SIX4: variants seen among roughly 807,000 people sequenced by gnomAD.
SIX4 encodes the protein SIX homeobox 4.
SIX4 carries 23 observed loss-of-function variants against 51.5 expected under a neutral mutation model. The observed-to-expected ratio is 0.45, with a 90% CI of 0.32 to 0.63. The LOEUF (loss-of-function observed/expected upper bound fraction) is 0.63. Among genes scored for constraint, SIX4 ranks in the 30% least tolerant of loss-of-function variants. The pLI is 0.04. For synonymous variants in SIX4, 413 were observed against 417.3 expected (o/e 0.99, Z 0.13); for missense variants, 867 against 984.0 (o/e 0.88, Z 1.59).
chr14:60,723,265 C>T lies in SIX4; in HGVS notation c.810G>A (p.Trp270Ter). 1 of 1,612,188 alleles carries T rather than the reference C, an allele frequency of 6.2e-7. No homozygotes were observed. Among genetic ancestry groups the T allele is most frequent in the Non-Finnish European group, 8.5e-7 (1 of 1,179,366 alleles). ...TGLSLTQVSN[W>*]FKNRRQRDRN... ...TGTCGCGCTGCCGGCGGTTCTTGAA[C>T]CAGTTGCTGACCTGGGTGAGGGAGA... The change falls in exon 1 of 3, where the codon TGG (tryptophan) becomes TGA (stop). Residue 270 changes from tryptophan to a stop codon, truncating the protein, a stop_gained. Transcript: ENST00000216513. LOFTEE classifies it high-confidence loss of function.
rs1248960350 is a variant in SIX4 at position 60,719,848 on chromosome 14, G to C, written c.1461C>G (p.Pro487=). 2 of 1,614,174 alleles carry C rather than the reference G, an allele frequency of 1.2e-6. No individual in the cohort carries two copies. The highest frequency in any genetic ancestry group is 3.3e-5 in the Admixed American group (2 of 60,024). Residue 487 remains proline, a synonymous_variant, in exon 2 of 3, where the codon CCC becomes CCG. Transcript: ENST00000216513. The surrounding 1 kb of genome is among the most constrained non-coding windows in gnomAD (Gnocchi z 4.9). The part of the protein sequence containing the change: ...QINQYGIVQI[P]NSGANSQFLN... ...GGAACTGGCTGTTTGCTCCGGAATT[G>C]GGGATCTGGACAATGCCATACTGGT...
Position 60,713,292 on chromosome 14 carries a change from C to T in SIX4, c.*115G>A, listed in dbSNP as rs1323736943. The T allele has an allele frequency of 3.9e-6, 4 of 1,034,556 alleles. No individual in the cohort carries two copies. The highest frequency in any genetic ancestry group is 5.5e-6 in the Non-Finnish European group (4 of 721,160). The allele number at this position is 1,034,556 out of a possible 1,614,324, so 64.1% of individuals were successfully genotyped here. ...AGATCAATCTAAAGTCTCTTGTATG[C>T]ATATACTTGCAAAACTAGAGTGTTT... On this transcript the variant is annotated 3_prime_UTR_variant, in exon 3 of 3. Transcript: ENST00000216513.
Position 60,719,883 on chromosome 14 carries a change from C to T in SIX4, c.1426G>A (p.Val476Met), listed in dbSNP as rs530684279. 156 of 1,614,208 alleles carry T rather than the reference C, an allele frequency of 9.7e-5. No individual in the cohort carries two copies. Among genetic ancestry groups the T allele is most frequent in the South Asian group, 7.7e-4 (70 of 91,092 alleles). The change falls in exon 2 of 3, where the codon GTG (valine) becomes ATG (methionine). Residue 476 changes from valine (V) to methionine (M), a missense_variant. Transcript: ENST00000216513. The surrounding 1 kb of genome is among the most constrained non-coding windows in gnomAD (Gnocchi z 4.9). The part of the protein sequence containing the change: ...GGSVVTFTTP[V>M]QINQYGIVQI... ...ACAATGCCATACTGGTTAATTTGCA[C>T]TGGTGTAGTAAAAGTCACTACAGAC...
rs1055481754 is a variant in SIX4 at position 60,723,022 on chromosome 14, C to G, written c.863+190G>C. On this transcript the variant is annotated intron_variant, in intron 1 of 2. Transcript: ENST00000216513. ...AGGGGGAGGGTAAGGAGGGAGGTTC[C>G]CCCGCCCCCCGCCTCCGCCGCCCCC... The G allele has an allele frequency of 4.5e-6, 6 of 1,342,172 alleles. No individual in the cohort carries two copies. The Admixed American group carries it at 9.8e-5, about 22-fold the overall frequency. 83.1% of individuals were successfully genotyped at this position (1,342,172 alleles called of 1,614,324 possible). A position where few individuals can be genotyped will look rare whatever the true frequency, so the allele number is the denominator to read the frequency against.
rs2140272422 is a variant in SIX4 at position 60,722,641 on chromosome 14, G to T, written c.863+571C>A. On this transcript the variant is annotated intron_variant, in intron 1 of 2. Transcript: ENST00000216513. This position sits in a 1 kb window ranked among gnomAD's most constrained non-coding sequence, Gnocchi z 5.9. ...CTCGACGTTCCGAGACCCCTTCTGC[G>T]CCGCCAGTCCCACAACACTCTCTTC... Among the ~76,000 whole-genome samples the T allele has an allele frequency of 6.6e-6, 1 of 152,154 alleles. No individual in the cohort carries two copies. Among genetic ancestry groups the T allele is most frequent in the South Asian group, 2.1e-4 (1 of 4,814 alleles).
In SIX4 at chr14:60,723,424, G is replaced by A. The variant is rs771915622; in HGVS notation, c.651C>T (p.Pro217=). The change falls in exon 1 of 3, where the codon CCC becomes CCT. Residue 217 remains proline, a synonymous_variant. Coordinates refer to ENST00000216513, the MANE Select transcript of SIX4 (RefSeq NM_017420.5). ...KYRLRRKFPL[P]RTIWDGEETV... is the part of the protein sequence containing the mutation. ...TCTCCTCGCCGTCCCAGATGGTGCG[G>A]GGCAGGGGGAATTTCCTGCGCAGCC... is the stretch of plus-strand genomic sequence containing the variant. 2 of 1,611,086 alleles carry A rather than the reference G, an allele frequency of 1.2e-6. No individual in the cohort carries two copies. The highest frequency in any genetic ancestry group is 1.7e-6 in the Non-Finnish European group (2 of 1,179,964).
chr14:60,713,673 C>T lies in SIX4; in HGVS notation c.2080G>A (p.Asp694Asn). 1.9e-6 allele frequency: 3 copies of T among 1,614,228 alleles called. No homozygotes were observed. The highest frequency in any genetic ancestry group is 2.5e-6 in the Non-Finnish European group (3 of 1,180,040). Residue 694 changes from aspartate (D) to asparagine (N), a missense_variant, in exon 3 of 3, where the codon GAT becomes AAT. Asp to Asn is a conservative substitution (Grantham distance 23). Coordinates refer to ENST00000216513, the MANE Select transcript of SIX4 (RefSeq NM_017420.5). Reference sequence around the variant, plus strand: ...GCTGGGGAGGGGTGACCTACCTGATCTTCAGCTGTAGGAACTATTTCCCCA... The same window carrying T: ...GCTGGGGAGGGGTGACCTACCTGATTTTCAGCTGTAGGAACTATTTCCCCA... ...ALGEIVPTAE[D>N]QVGHPSPAVH...
rs145934855 is a variant in SIX4 at position 60,713,839 on chromosome 14, G to A, written c.1914C>T (p.Ala638=). ...LNPTELNRDI[A]DSQPMSAPVA... ...CCGGTGCAGACATTGGTTGGCTATC[G>A]GCAATGTCGCGGTTTAGCTCAGTGG... Residue 638 remains alanine, a synonymous_variant, in exon 3 of 3, where the codon GCC becomes GCT. Coordinates refer to ENST00000216513, the MANE Select transcript of SIX4 (RefSeq NM_017420.5). 5.6e-6 allele frequency: 9 copies of A among 1,614,026 alleles called. No homozygotes were observed. Among genetic ancestry groups the A allele is most frequent in the African/African-American group, 5.3e-5 (4 of 74,922 alleles).
chr14:60,723,480 C>A lies in SIX4; in HGVS notation c.595G>T (p.Gly199Cys). ...ARYTEAERARGRPLGAVDKYR... is the reference protein window; with the variant it reads ...ARYTEAERARCRPLGAVDKYR... ...TTGTCTACGGCTCCCAGCGGCCGGC[C>A]GCGGGCTCGCTCGGCCTCGGTGTAG... Residue 199 changes from glycine (G) to cysteine (C), a missense_variant, in exon 1 of 3, where the codon GGC (glycine) becomes TGC (cysteine). Coordinates refer to ENST00000216513, the MANE Select transcript of SIX4 (RefSeq NM_017420.5). The A allele has an allele frequency of 6.2e-7, 1 of 1,606,748 alleles. No individual in the cohort carries two copies. The highest frequency in any genetic ancestry group is 1.7e-5 in the Admixed American group (1 of 59,916).
Position 60,723,820 on chromosome 14 carries a change from T to C in SIX4, c.255A>G (p.Gln85=). ...AAAGAAADQV[Q]LHSELLGRHH... is the part of the protein sequence containing the mutation. ...GCCTGCCCAGAAGTTCCGAGTGGAG[T>C]TGTACCTGATCCGCCGCCGCTCCGG... The change falls in exon 1 of 3, where the codon CAA becomes CAG. Residue 85 remains glutamine (Q), a synonymous_variant. Coordinates refer to ENST00000216513, the MANE Select transcript of SIX4 (RefSeq NM_017420.5). 15 of 1,533,574 alleles carry C rather than the reference T, an allele frequency of 9.8e-6. No individual in the cohort carries two copies. The highest frequency in any genetic ancestry group is 2.1e-5 in the Admixed American group (1 of 48,764). The allele number at this position is 1,533,574 out of a possible 1,614,324, so 95.0% of individuals were successfully genotyped here. A position where few individuals can be genotyped will look rare whatever the true frequency, so the allele number is the denominator to read the frequency against.
chr14:60,713,259 C>T lies in SIX4; in HGVS notation c.*148G>A. 1.3e-6 allele frequency: 1 copy of T among 754,098 alleles called. No homozygotes were observed. Among genetic ancestry groups the T allele is most frequent in the Non-Finnish European group, 2.1e-6 (1 of 479,196 alleles). The allele number at this position is 754,098 out of a possible 1,614,324, so 46.7% of individuals were successfully genotyped here. A position where few individuals can be genotyped will look rare whatever the true frequency, so the allele number is the denominator to read the frequency against. Reference sequence around the variant, plus strand: ...CTACTCCTGTATACTTAACTGTGATCTTCATGCAGATCAATCTAAAGTCTC... The same window carrying T: ...CTACTCCTGTATACTTAACTGTGATTTTCATGCAGATCAATCTAAAGTCTC... On this transcript the variant is annotated 3_prime_UTR_variant, in exon 3 of 3. Coordinates refer to ENST00000216513, the MANE Select transcript of SIX4 (RefSeq NM_017420.5).
Position 60,722,003 on chromosome 14 carries a change from GC to G in SIX4, c.863+1208del, listed in dbSNP as rs1896029475. ...CCCGAGCCGTCGGACCCCCACAGGG[GC>G]CCAGAAGCGGCAAGGGCGGGCTGAG... On this transcript the variant is annotated intron_variant, in intron 1 of 2. Transcript: ENST00000216513. The surrounding 1 kb of genome is among the most constrained non-coding windows in gnomAD (Gnocchi z 5.9). 6.6e-6 allele frequency among the ~76,000 whole-genome samples: 1 copy of G among 152,238 alleles called. No individual in the cohort carries two copies. The highest frequency in any genetic ancestry group is 1.5e-5 in the Non-Finnish European group (1 of 68,026).
Position 60,724,317 on chromosome 14 carries a change from A to T in SIX4, c.-243T>A. The T allele has an allele frequency of 2.0e-6, 3 of 1,487,856 alleles. No homozygotes were observed. Among genetic ancestry groups the T allele is most frequent in the South Asian group, 2.4e-5 (2 of 82,774 alleles). 92.2% of individuals were successfully genotyped at this position (1,487,856 alleles called of 1,614,324 possible). On this transcript the variant is annotated 5_prime_UTR_variant, in exon 1 of 3. Coordinates refer to ENST00000216513, the MANE Select transcript of SIX4 (RefSeq NM_017420.5). ...GATAGCTGCTTTCTGCCGTTCCCCCAACGTGACTCCTCCGGTTGCTGCATA... is the reference window on the plus strand; with the variant it reads ...GATAGCTGCTTTCTGCCGTTCCCCCTACGTGACTCCTCCGGTTGCTGCATA...
In SIX4 at chr14:60,723,693, G is replaced by C; in HGVS notation, c.382C>G (p.Arg128Gly). Residue 128 changes from arginine to glycine, a missense_variant, in exon 1 of 3, where the codon CGC becomes GGC. Coordinates refer to ENST00000216513, the MANE Select transcript of SIX4 (RefSeq NM_017420.5). ...EALQQGGNLDRLARFLWSLPQ... is the reference protein window; with the variant it reads ...EALQQGGNLDGLARFLWSLPQ... Reference sequence around the variant, plus strand: ...AGGGACCACAGGAACCGGGCCAGGCGGTCCAGGTTGCCCCCCTGCTGCAGT... The same window carrying C: ...AGGGACCACAGGAACCGGGCCAGGCCGTCCAGGTTGCCCCCCTGCTGCAGT... 6.4e-7 allele frequency: 1 copy of C among 1,564,406 alleles called. No homozygotes were observed. The highest frequency in any genetic ancestry group is 1.2e-5 in the South Asian group (1 of 85,470).
Position 60,713,419 on chromosome 14 carries a change from C to CA in SIX4, c.2333dup (p.Met778IlefsTer51). ...GAGGAAATAAAGTTCATAAGTCTTGCATATCTTCATCCAGCTGGACAGTCT... is the reference window on the plus strand; with the variant it reads ...GAGGAAATAAAGTTCATAAGTCTTGCAATATCTTCATCCAGCTGGACAGTCT... On this transcript the variant is annotated frameshift_variant, in exon 3 of 3. Transcript: ENST00000216513. LOFTEE classifies it high-confidence loss of function. 6.3e-7 allele frequency: 1 copy of CA among 1,597,630 alleles called. No homozygotes were observed. The highest frequency in any genetic ancestry group is 8.5e-7 in the Non-Finnish European group (1 of 1,173,120).
At position 60,713,395 on chromosome 14, in the gene SIX4, A is replaced by G. The variant is rs759930110; in HGVS notation, c.*12T>C. The G allele has an allele frequency of 1.6e-5, 25 of 1,565,190 alleles. No individual in the cohort carries two copies. The highest frequency in any genetic ancestry group is 2.2e-5 in the Non-Finnish European group (25 of 1,157,342). Reference sequence around the variant, plus strand: ...CCGCTGATGCCAAAAAGAGGTGAGGAGGAAATAAAGTTCATAAGTCTTGCA... The same window carrying G: ...CCGCTGATGCCAAAAAGAGGTGAGGGGGAAATAAAGTTCATAAGTCTTGCA... On this transcript the variant is annotated 3_prime_UTR_variant, in exon 3 of 3. Transcript: ENST00000216513.
rs1430740037 is a variant in SIX4, at chr14:60,710,524, G to C, written c.*2883C>G. ...CAAAAATCCCACAGCCAGCAGCATGGGTTGGGTTTTGCAGGGAGTCATTTA... is the reference window on the plus strand; with the variant it reads ...CAAAAATCCCACAGCCAGCAGCATGCGTTGGGTTTTGCAGGGAGTCATTTA... On this transcript the variant is annotated 3_prime_UTR_variant, in exon 3 of 3. Coordinates refer to ENST00000216513, the MANE Select transcript of SIX4 (RefSeq NM_017420.5). The C allele has an allele frequency of 6.6e-6, 1 of 152,574 alleles. No individual in the cohort carries two copies. Among genetic ancestry groups the C allele is most frequent in the Non-Finnish European group, 1.5e-5 (1 of 68,038 alleles). 9.5% of individuals were successfully genotyped at this position (152,574 alleles called of 1,614,324 possible).
Position 60,710,603 on chromosome 14 carries a change from C to A in SIX4, c.*2804G>T, listed in dbSNP as rs1385187611. 1.3e-5 allele frequency: 2 copies of A among 152,542 alleles called. No homozygotes were observed. Among genetic ancestry groups the A allele is most frequent in the Non-Finnish European group, 1.5e-5 (1 of 68,020 alleles). The allele number at this position is 152,542 out of a possible 1,614,324, so 9.4% of individuals were successfully genotyped here. On this transcript the variant is annotated 3_prime_UTR_variant, in exon 3 of 3. Coordinates refer to ENST00000216513, the MANE Select transcript of SIX4 (RefSeq NM_017420.5). ...GAGGGTCATTTGCAGCATTTTCAAG[C>A]ATTGGTTTATGTAAGAGGGAAATTC...
chr14:60,721,865 C>G (rs929581436), intron 1 of SIX4, among the ~76,000 whole-genome samples: 1 of 152,238 alleles, frequency 6.6e-6, no homozygotes, highest in Non-Finnish European at 1.5e-5. Context: ...TGGACCTCTC[C>G]GCATATCTGC....
Sources: allele counts gnomAD v4.1 joint callset (sites outside exome capture counted in the v4.1 genomes callset), GRCh38; gene constraint gnomAD v4.1.1; non-coding constraint Gnocchi (gnomAD v3.1); transcripts MANE v1.5; gene names NCBI Gene and HGNC (gene_info 2026-07-23, HGNC 2026-07-21).